EPHA6: variants seen among roughly 807,000 people sequenced by gnomAD.
EPHA6 encodes the protein EPH receptor A6, also known as ephrin type-A receptor 6.
EPHA6 carries 50 observed loss-of-function variants against 112.0 expected under a neutral mutation model. The ratio of observed to expected loss-of-function variants is 0.45; its 90% CI spans 0.36 to 0.56. The LOEUF (loss-of-function observed/expected upper bound fraction) is 0.56. Among genes scored for constraint, EPHA6 ranks in the 20% least tolerant of loss-of-function variants. The pLI is 0.00. For synonymous variants in EPHA6, 529 were observed against 490.7 expected (o/e 1.08, Z -1.03); for missense variants, 1,280 against 1,417.4 (o/e 0.90, Z 1.56).
At chr3:97,300,838 A>G (rs1576884168) in intron 5 of EPHA6, among the ~76,000 whole-genome samples, 2 of 152,140 alleles carry the variant, frequency 1.3e-5, no homozygotes, top group Non-Finnish European at 2.9e-5. Flanking sequence ...AAATTTAAAA[A>G]AAAAAAGTAG....
intron 14 of EPHA6, among the ~76,000 whole-genome samples, chr3:97,702,812 T>C (rs2033470677): frequency 6.6e-6 from 1 of 152,090 alleles, no homozygotes; most frequent in Non-Finnish European, 1.5e-5. Context: ...TTTAACAGAA[T>C]GAACTATTAA....
intron 3 of EPHA6, among the ~76,000 whole-genome samples, chr3:97,171,632 T>G (rs941594073): frequency 6.6e-6 from 1 of 152,052 alleles, no homozygotes; most frequent in East Asian, 1.9e-4. Flanking sequence ...GGGAGAATGA[T>G]AGTACAATTA....
At chr3:97,552,437 A>G (rs931992819) in intron 11 of EPHA6, among the ~76,000 whole-genome samples, 14 of 152,320 alleles carry the variant, frequency 9.2e-5, no homozygotes, top group African/African-American at 3.1e-4. Flanking sequence ...GCCTGAAGGG[A>G]GAAAACCTCT....
intron 3 of EPHA6, among the ~76,000 whole-genome samples, chr3:97,190,903 A>G (rs966206458): frequency 3.3e-5 from 5 of 152,104 alleles, no homozygotes; most frequent in African/African-American, 1.2e-4. Flanking sequence ...CAAGTGTGTA[A>G]TGTATTGCAA....
chr3:97,467,998 C>G (rs1174709713), intron 7 of EPHA6, among the ~76,000 whole-genome samples: 3 of 151,684 alleles, frequency 2.0e-5, no homozygotes, highest in Non-Finnish European at 4.4e-5. Context: ...TTTTACCTGA[C>G]AAGTAAATTG....
In EPHA6 at chr3:96,969,799, G is replaced by A. The variant is rs566525655; in HGVS notation, c.451-17531G>A. 7.2e-5 allele frequency among the ~76,000 whole-genome samples: 11 copies of A among 151,956 alleles called. No homozygotes were observed. In the South Asian group the frequency reaches 1.9e-3, roughly 26 times the overall value. The stretch of plus-strand genomic sequence containing the variant: ...TATACATTGAGTGGTTTTTATCTTA[G>A]TGGATCTTTCAGCATCATTTAATAT... On this transcript the variant is annotated intron_variant, in intron 2 of 17. Coordinates refer to ENST00000389672, the MANE Select transcript of EPHA6 (RefSeq NM_001080448.3).
chr3:97,045,758 T>C (rs534489111), intron 3 of EPHA6, among the ~76,000 whole-genome samples: 34 of 152,082 alleles, frequency 2.2e-4, no homozygotes, highest in Non-Finnish European at 4.6e-4. Context: ...GATTTTAAAA[T>C]GATTATGTGT....
chr3:96,822,969 A>G (rs1233333971), intron 1 of EPHA6, among the ~76,000 whole-genome samples: 1 of 151,572 alleles, frequency 6.6e-6, no homozygotes, highest in East Asian at 1.9e-4. Context: ...ATTTAAAGCA[A>G]GTTAATAAAG....
Position 97,757,749 on chromosome 3 carries a change from T to C in EPHA6, c.*9048T>C, listed in dbSNP as rs144228967. Among the ~76,000 whole-genome samples, 48 of 151,990 alleles carry C rather than the reference T, an allele frequency of 3.2e-4. No individual in the cohort carries two copies. The highest frequency in any genetic ancestry group is 1.1e-3 in the African/African-American group (46 of 41,550). On this transcript the variant is annotated 3_prime_UTR_variant, in exon 18 of 18. Coordinates refer to ENST00000389672, the MANE Select transcript of EPHA6 (RefSeq NM_001080448.3). ...CATATTAATTTTATGTGATATAATA[T>C]GTTTTGATCTCTAAATGCTTACATT...
intron 3 of EPHA6, among the ~76,000 whole-genome samples, chr3:97,150,211 T>A (rs2076138155): frequency 6.6e-6 from 1 of 152,084 alleles, no homozygotes; most frequent in Admixed American, 6.6e-5. Flanking sequence ...AATACAGTGA[T>A]TATTTGAGAG....
chr3:97,223,004 C>T (rs769864567), intron 3 of EPHA6, among the ~76,000 whole-genome samples: 30 of 152,058 alleles, frequency 2.0e-4, no homozygotes, highest in Non-Finnish European at 1.5e-4. Context: ...TGGCAACATA[C>T]GTGGGTCATG....
chr3:97,342,544 C>T (rs1288007046), intron 5 of EPHA6, among the ~76,000 whole-genome samples: 1 of 152,170 alleles, frequency 6.6e-6, no homozygotes, highest in Non-Finnish European at 1.5e-5. Flanking sequence ...AGATTTGCTT[C>T]GGGCTGAATG....
chr3:96,907,602 A>G (rs1259288785), intron 2 of EPHA6, among the ~76,000 whole-genome samples: 1 of 151,790 alleles, frequency 6.6e-6, no homozygotes, highest in East Asian at 1.9e-4. Flanking sequence ...TATTTTTAAT[A>G]TTTAGTAAGA....
chr3:97,299,110 A>G (rs1049186783), intron 5 of EPHA6, among the ~76,000 whole-genome samples: 27 of 152,092 alleles, frequency 1.8e-4, no homozygotes, highest in African/African-American at 6.3e-4. Flanking sequence ...TTATAATGAT[A>G]TAGTCTACCA....
At position 97,314,483 on chromosome 3, in the gene EPHA6, A is replaced by G. The variant is rs2081715270; in HGVS notation, c.1606+70196A>G. On this transcript the variant is annotated intron_variant, in intron 5 of 17. Coordinates refer to ENST00000389672, the MANE Select transcript of EPHA6 (RefSeq NM_001080448.3). ...ACTAGAAACCATTCTAAGGATTATA[A>G]TCAATGTCTTAGATTTTCAGCAAGG... Among the ~76,000 whole-genome samples, 3 of 151,774 alleles carry G rather than the reference A, an allele frequency of 2.0e-5. No homozygotes were observed. In the South Asian group the frequency reaches 6.2e-4, roughly 31 times the overall value.
At chr3:97,445,234 C>T (rs1309193197) in intron 6 of EPHA6, among the ~76,000 whole-genome samples, 1 of 152,108 alleles carries the variant, frequency 6.6e-6, no homozygotes, top group Non-Finnish European at 1.5e-5. Flanking sequence ...AGAGGTCATG[C>T]AACAAGCTGA....
intron 11 of EPHA6, among the ~76,000 whole-genome samples, chr3:97,535,320 A>G (rs1035486223): frequency 6.6e-6 from 1 of 152,066 alleles, no homozygotes; most frequent in Non-Finnish European, 1.5e-5. Context: ...TAAAAAAAAG[A>G]AATAAAATAA....
At chr3:97,468,904 A>G (rs1424320517) in intron 7 of EPHA6, among the ~76,000 whole-genome samples, 2 of 151,698 alleles carry the variant, frequency 1.3e-5, no homozygotes, top group African/African-American at 2.4e-5. Context: ...AGAGGCTTGT[A>G]GTAGAGATGA....
chr3:96,945,177 G>A (rs2041188507), intron 2 of EPHA6, among the ~76,000 whole-genome samples: 1 of 152,054 alleles, frequency 6.6e-6, no homozygotes, highest in Admixed American at 6.6e-5. Context: ...CACCAGTATT[G>A]CAACCGGTCT....
Sources: gnomAD v4.1 joint callset for allele counts (sites outside exome capture counted in the v4.1 genomes callset) on GRCh38, gnomAD v4.1.1 for gene constraint, MANE v1.5 for transcripts, NCBI Gene and HGNC (gene_info 2026-07-23, HGNC 2026-07-21) for gene names.